KIF20B: variants seen among roughly 807,000 people sequenced by gnomAD.
The protein encoded by KIF20B is kinesin-like protein KIF20B.
Under a neutral mutation model 232.5 loss-of-function variants are expected in KIF20B, and 188 were observed. That is an observed-to-expected ratio of 0.81 (90% confidence interval 0.72 to 0.91). The LOEUF is 0.91. KIF20B is among the 40% of genes least tolerant of loss of function. The pLI is 0.00. For missense variants in KIF20B, 2,154 were observed against 2,055.9 expected (o/e 1.05, Z -0.92); for synonymous variants, 712 against 683.0 (o/e 1.04, Z -0.66).
intron 23 of KIF20B, 122 bp from the exon 24 acceptor site, chr10:89,751,224 G>C: frequency 1.4e-6 from 1 of 733,734 alleles, no homozygotes; most frequent in Non-Finnish European, 2.2e-6. Context: ...CAAAGTTTCT[G>C]TCTATATGGA....
At chr10:89,728,137 A>C (rs1843230090) in intron 17 of KIF20B, among the ~76,000 whole-genome samples, 1 of 152,188 alleles carries the variant, frequency 6.6e-6, no homozygotes, top group Admixed American at 6.5e-5. Flanking sequence ...AGATATAAAT[A>C]ATTCAAGATC....
At chr10:89,768,615 T>A in intron 30 of KIF20B, 123 bp from the exon 31 acceptor site, 3 of 954,962 alleles carry the variant, frequency 3.1e-6, no homozygotes, top group Non-Finnish European at 4.6e-6. Context: ...TGTCCTTACA[T>A]ACTTAAAGTT....
At position 89,754,590 on chromosome 10, in the gene KIF20B, A is replaced by G. The variant is rs1024977291; in HGVS notation, c.4420A>G (p.Lys1474Glu). Reference sequence around the variant, plus strand: ...AAAAATGATGCTTATCACTCAAGCGAAAGAAGCAGAGAATATACGAAATAA... The same window carrying G: ...AAAAATGATGCTTATCACTCAAGCGGAAGAAGCAGAGAATATACGAAATAA... ...EEKMMLITQAKEAENIRNKEM... is the reference protein window; with the variant it reads ...EEKMMLITQAEEAENIRNKEM... The change falls in exon 26 of 33, where the codon AAA (lysine) becomes GAA (glutamate). Residue 1474 changes from lysine to glutamate, a missense_variant. Lys to Glu is a moderately conservative substitution (Grantham distance 56). Transcript: ENST00000371728. 4 of 1,607,490 alleles carry G rather than the reference A, an allele frequency of 2.5e-6. No individual in the cohort carries two copies. The highest frequency in any genetic ancestry group is 1.7e-5 in the Admixed American group (1 of 59,208).
At position 89,738,586 on chromosome 10, in the gene KIF20B, G is replaced by A. The variant is rs1841722015; in HGVS notation, c.3745G>A (p.Glu1249Lys). The A allele has an allele frequency of 1.3e-6, 2 of 1,560,168 alleles. No homozygotes were observed. Among genetic ancestry groups the A allele is most frequent in the Non-Finnish European group, 1.7e-6 (2 of 1,158,794 alleles). Residue 1249 changes from glutamate to lysine, a missense_variant, in exon 20 of 33, where the codon GAA becomes AAA. Coordinates refer to ENST00000371728, the MANE Select transcript of KIF20B (RefSeq NM_001284259.2). ...ACATTTACTTCAATTAAAAGAAGAA[G>A]AAGAAGAAACCAACAGGCAAGAAAC... ...MKHLLQLKEE[E>K]EETNRQETEK...
At chr10:89,736,253 C>T (rs1841649421) in intron 19 of KIF20B, among the ~76,000 whole-genome samples, 1 of 152,100 alleles carries the variant, frequency 6.6e-6, no homozygotes, top group African/African-American at 2.4e-5. Flanking sequence ...CTGAGACACT[C>T]ATCTGACCCT....
rs761294038 is a variant in KIF20B at position 89,714,036 on chromosome 10, C to CT, written c.676-3dup. On this transcript the variant is annotated splice_polypyrimidine_tract_variant and intron_variant, in intron 6 of 32. Transcript: ENST00000371728. ...TGTTTTTTTAATTTTTTAAAACAAT[C>CT]TTTTTTTTAGGTTACTGTGCATAAT... 155 of 1,347,582 alleles carry CT rather than the reference C, an allele frequency of 1.2e-4. No individual in the cohort carries two copies. Among genetic ancestry groups the CT allele is most frequent in the Non-Finnish European group, 1.3e-4 (128 of 994,532 alleles). 83.5% of individuals were successfully genotyped at this position (1,347,582 alleles called of 1,614,324 possible). A position where few individuals can be genotyped will look rare whatever the true frequency, so the allele number is the denominator to read the frequency against.
intron 21 of KIF20B, among the ~76,000 whole-genome samples, chr10:89,742,699 CTTT>C (rs34668146): frequency 5.1e-5 from 6 of 118,234 alleles, no homozygotes; most frequent in Admixed American, 1.8e-4. Context: ...ATCTTCAAGC[CTTT>C]TTTTTTTTTT....
At chr10:89,760,739 C>T (rs576797350) in intron 28 of KIF20B, 103 bp downstream of exon 28, 1 of 701,168 alleles carries the variant, frequency 1.4e-6, no homozygotes, top group South Asian at 1.7e-5. Context: ...GCACAATTAG[C>T]TGTGTGTGCT....
intron 31 of KIF20B, 56 bp downstream of exon 31, chr10:89,768,944 A>T: frequency 1.4e-6 from 2 of 1,393,636 alleles, no homozygotes; most frequent in Middle Eastern, 2.1e-4. Flanking sequence ...GTATATTTTA[A>T]TACCTAATTG....
chr10:89,723,430 T>C (rs891896555), intron 13 of KIF20B: 3 of 152,376 alleles, frequency 2.0e-5, no homozygotes, highest in African/African-American at 4.8e-5. Context: ...TGGATAGTTA[T>C]AAAAGCCTAA....
rs146906413 is a variant in KIF20B, at chr10:89,729,602, G to A, written c.2391+355G>A. Among the ~76,000 whole-genome samples, 166 of 152,254 alleles carry A rather than the reference G, an allele frequency of 1.1e-3. No homozygotes were observed. In the East Asian group the frequency reaches 0.029, roughly 26 times the overall value. On this transcript the variant is annotated intron_variant, in intron 18 of 32. Coordinates refer to ENST00000371728, the MANE Select transcript of KIF20B (RefSeq NM_001284259.2). ...GAAAACCAGATTATAATGTTTCAGG[G>A]AACTATAACATGAAATTCAGTAAAA...
intron 24 of KIF20B, among the ~76,000 whole-genome samples, chr10:89,752,344 A>AATACT (rs1001101508): frequency 3.3e-5 from 5 of 152,050 alleles, no homozygotes; most frequent in South Asian, 4.1e-4. Context: ...CTATACTGTG[A>AATACT]ATACTATTCA....
chr10:89,717,370 T>A (rs1842955262), intron 9 of KIF20B, 54 bp from the exon 10 acceptor site: 2 of 1,130,032 alleles, frequency 1.8e-6, no homozygotes, highest in Non-Finnish European at 1.3e-6. Context: ...GTCTCTCCTA[T>A]TTAGAATGCA....
chr10:89,773,936 C>T (rs771917047), intron 32 of KIF20B, 35 bp from the exon 33 acceptor site: 3 of 1,249,796 alleles, frequency 2.4e-6, no homozygotes, highest in African/African-American at 3.0e-5. Context: ...TTTTCACTTA[C>T]AAGCTTTGAA....
intron 1 of KIF20B, among the ~76,000 whole-genome samples, chr10:89,704,785 C>T (rs1842688605): frequency 6.6e-6 from 1 of 152,212 alleles, no homozygotes; most frequent in Non-Finnish European, 1.5e-5. Context: ...TCTTGAACTC[C>T]TGGCCTCGTG....
Position 89,719,680 on chromosome 10 carries a change from G to C in KIF20B, c.1696G>C (p.Ala566Pro), listed in dbSNP as rs746372007. The C allele has an allele frequency of 6.2e-7, 1 of 1,606,540 alleles. No homozygotes were observed. The highest frequency in any genetic ancestry group is 1.1e-5 in the South Asian group (1 of 89,788). ...DLDKTLEENK[A>P]FISHEEKRKL... ...AGATAAAACATTAGAGGAAAATAAG[G>C]CTTTCATTAGCCACGAGGAGAAAAG... Residue 566 changes from alanine to proline, a missense_variant, in exon 13 of 33, where the codon GCT (alanine) becomes CCT (proline). Coordinates refer to ENST00000371728, the MANE Select transcript of KIF20B (RefSeq NM_001284259.2).
At chr10:89,731,022 G>C (rs1338124248) in intron 18 of KIF20B, among the ~76,000 whole-genome samples, 4 of 152,084 alleles carry the variant, frequency 2.6e-5, no homozygotes, top group Non-Finnish European at 5.9e-5. Context: ...TGAAGTAAGG[G>C]GATGTTAAAA....
At position 89,729,123 on chromosome 10, in the gene KIF20B, C is replaced by T. The variant is rs369126726; in HGVS notation, c.2272-5C>T. ...ATGAAACATTGCTTTTTCTTCTTTC[C>T]AAAGAAAATAATTACACAGAATCAA... is the stretch of plus-strand genomic sequence containing the variant. On this transcript the variant is annotated splice_polypyrimidine_tract_variant and splice_region_variant and intron_variant, in intron 17 of 32. Transcript: ENST00000371728. The T allele has an allele frequency of 2.2e-6, 3 of 1,383,482 alleles. No homozygotes were observed. Among genetic ancestry groups the T allele is most frequent in the East Asian group, 2.8e-5 (1 of 36,066 alleles). The allele number at this position is 1,383,482 out of a possible 1,614,324, so 85.7% of individuals were successfully genotyped here. A position where few individuals can be genotyped will look rare whatever the true frequency, so the allele number is the denominator to read the frequency against.
At chr10:89,753,476 G>C (rs1842061502) in intron 25 of KIF20B, among the ~76,000 whole-genome samples, 1 of 152,236 alleles carries the variant, frequency 6.6e-6, no homozygotes, top group Admixed American at 6.5e-5. Context: ...TGAAAAAAGT[G>C]TATCAACCGT....
Sources: gnomAD v4.1 joint callset for allele counts (sites outside exome capture counted in the v4.1 genomes callset) on GRCh38, gnomAD v4.1.1 for gene constraint, MANE v1.5 for transcripts, NCBI Gene and HGNC (gene_info 2026-07-23, HGNC 2026-07-21) for gene names.